Variants in LEPR observed in about 807,000 individuals in gnomAD.
LEPR encodes OB receptor.
A neutral mutation model predicts 114.7 loss-of-function variants in LEPR; 56 were observed. The ratio of observed to expected loss-of-function variants is 0.49; its 90% CI spans 0.39 to 0.61. LEPR has a LOEUF of 0.61. LEPR is among the 20% of genes least tolerant of loss of function. The pLI, the probability that LEPR is intolerant of heterozygous loss-of-function variation, is 0.00. For synonymous variants in LEPR, 443 were observed against 461.4 expected (o/e 0.96, Z 0.51); for missense variants, 1,202 against 1,352.9 (o/e 0.89, Z 1.75).
At chr1:65,624,997 G>A (rs7556528) in intron 19 of LEPR, among the ~76,000 whole-genome samples, 4 of 152,092 alleles carry the variant, frequency 2.6e-5, no homozygotes, top group Non-Finnish European at 4.4e-5. Context: ...TGCTCACTAA[G>A]CCAGAGTCTT....
intron 4 of LEPR, among the ~76,000 whole-genome samples, chr1:65,571,438 A>C (rs1447045855): frequency 1.3e-5 from 2 of 152,144 alleles, no homozygotes; most frequent in Non-Finnish European, 2.9e-5. Flanking sequence ...AAAATTCTGC[A>C]TCTGGAAATA....
At chr1:65,583,514 G>A (rs887804929) in intron 5 of LEPR, among the ~76,000 whole-genome samples, 1 of 152,088 alleles carries the variant, frequency 6.6e-6, no homozygotes, top group Non-Finnish European at 1.5e-5. Context: ...ATACTTTAAA[G>A]GTGGGGCCAA....
chr1:65,425,265 AC>A, intron 1 of LEPR, 37 bp from the exon 2 acceptor site: 1 of 1,586,138 alleles, frequency 6.3e-7, no homozygotes, highest in Non-Finnish European at 8.7e-7. Context: ...GACAACCTCT[AC>A]TGTGGGAACT....
chr1:65,626,276 G>A, intron 19 of LEPR: 1 of 1,303,872 alleles, frequency 7.7e-7, no homozygotes, highest in South Asian at 2.9e-5. Flanking sequence ...CAAGTAGATT[G>A]AAATATTGCC....
intron 2 of LEPR, among the ~76,000 whole-genome samples, chr1:65,482,166 T>A (rs779676154): frequency 6.7e-6 from 1 of 149,930 alleles, no homozygotes; most frequent in Non-Finnish European, 1.5e-5. Context: ...GCTGAAAAAA[T>A]AAAGACCTTA....
intron 5 of LEPR, among the ~76,000 whole-genome samples, chr1:65,573,692 A>G (rs1409649896): frequency 6.6e-6 from 1 of 152,120 alleles, no homozygotes; most frequent in Non-Finnish European, 1.5e-5. Context: ...GTTGAGGAGC[A>G]ATGTGCTAGA....
intron 2 of LEPR, among the ~76,000 whole-genome samples, chr1:65,503,301 A>G (rs1648555141): frequency 6.6e-6 from 1 of 152,172 alleles, no homozygotes. Flanking sequence ...TTAATGTATG[A>G]AAATTGTAAA....
At chr1:65,423,968 A>G (rs1003404393) in intron 1 of LEPR, among the ~76,000 whole-genome samples, 3 of 152,200 alleles carry the variant, frequency 2.0e-5, no homozygotes, top group African/African-American at 7.2e-5. Flanking sequence ...TATCTCATTT[A>G]ATTCCCATAA....
chr1:65,451,137 T>C (rs1457122060), intron 2 of LEPR, among the ~76,000 whole-genome samples: 1 of 152,236 alleles, frequency 6.6e-6, no homozygotes, highest in Non-Finnish European at 1.5e-5. Flanking sequence ...TGTTTTTTTC[T>C]TGTAAATTAC....
intron 2 of LEPR, among the ~76,000 whole-genome samples, chr1:65,538,359 A>G (rs994982676): frequency 6.6e-6 from 1 of 151,994 alleles, no homozygotes; most frequent in Non-Finnish European, 1.5e-5. Flanking sequence ...GGGGCCATCT[A>G]TACTACAGCT....
At chr1:65,596,374 T>C in intron 6 of LEPR, 74 bp from the exon 7 acceptor site, 1 of 1,571,948 alleles carries the variant, frequency 6.4e-7, no homozygotes, top group Non-Finnish European at 8.7e-7. Flanking sequence ...AAATTTATCT[T>C]GACTTTATTT....
chr1:65,549,415 G>A (rs553460822), intron 2 of LEPR, among the ~76,000 whole-genome samples: 10 of 152,122 alleles, frequency 6.6e-5, no homozygotes, highest in Non-Finnish European at 1.3e-4. Context: ...TTCCAACTTG[G>A]TTCCATTCTC....
At chr1:65,420,778 G>T (rs1368224884) in intron 1 of LEPR, 38 bp downstream of exon 1, 3 of 1,568,902 alleles carry the variant, frequency 1.9e-6, no homozygotes, top group Admixed American at 3.9e-5. Context: ...CGTGTGGTGG[G>T]GTTGCCACCT....
intron 1 of LEPR, 105 bp from the exon 2 acceptor site, chr1:65,425,198 A>G (rs1646336020): frequency 5.5e-6 from 5 of 903,360 alleles, no homozygotes; most frequent in Non-Finnish European, 8.8e-6. Context: ...TCATCCGCCA[A>G]AGAAACTCTG....
intron 3 of LEPR, 36 bp downstream of exon 3, chr1:65,565,641 T>C (rs1186364807): frequency 3.7e-6 from 6 of 1,611,622 alleles, no homozygotes; most frequent in African/African-American, 1.3e-5. Flanking sequence ...TTAATGCCCT[T>C]AAACATGGTA....
intron 2 of LEPR, among the ~76,000 whole-genome samples, chr1:65,546,412 T>C (rs1394995237): frequency 6.6e-6 from 1 of 152,224 alleles, no homozygotes; most frequent in Non-Finnish European, 1.5e-5. Flanking sequence ...ATGGCCATTT[T>C]CACGATATTG....
chr1:65,601,269 A>G (rs1446168261), intron 8 of LEPR, 123 bp from the exon 9 acceptor site: 7 of 1,202,376 alleles, frequency 5.8e-6, no homozygotes. Context: ...CAGTTTTTAA[A>G]TTACACTCAT....
At chr1:65,608,323 C>T (rs1019939103) in intron 11 of LEPR, among the ~76,000 whole-genome samples, 4 of 151,858 alleles carry the variant, frequency 2.6e-5, no homozygotes, top group Non-Finnish European at 4.4e-5. Context: ...CTTCACCTCC[C>T]GGGTTCATGC....
At chr1:65,423,444 A>G (rs929997369) in intron 1 of LEPR, among the ~76,000 whole-genome samples, 1 of 152,190 alleles carries the variant, frequency 6.6e-6, no homozygotes, top group Admixed American at 6.5e-5. Context: ...TCAGAACAGA[A>G]GGAAGAGGTC....
Sources: gnomAD v4.1 joint callset for allele counts (sites outside exome capture counted in the v4.1 genomes callset) on GRCh38, gnomAD v4.1.1 for gene constraint, MANE v1.5 for transcripts, NCBI Gene and HGNC (gene_info 2026-07-23, HGNC 2026-07-21) for gene names.